The following SPAG4 variants were observed in gnomAD, a reference collection of about 807,000 sequenced individuals.
SPAG4 encodes the protein sperm-associated antigen 4 protein.
Under a neutral mutation model 53.9 loss-of-function variants are expected in SPAG4, and 54 were observed. That is an observed-to-expected ratio of 1.00 (90% CI 0.80 to 1.26). SPAG4 has a LOEUF of 1.26. Ranked by LOEUF, SPAG4 falls within the 50% of genes most tolerant of loss-of-function variation. The pLI is 0.00. For synonymous variants in SPAG4, 246 were observed against 237.4 expected, an observed-to-expected ratio of 1.04 and a Z score of -0.33; for missense variants, 548 against 568.6, an observed-to-expected ratio of 0.96 and a Z score of 0.37.
rs751487998 is a variant in SPAG4 at position 35,619,287 on chromosome 20, C to T, written c.886C>T (p.Arg296Trp). 2.5e-6 allele frequency: 4 copies of T among 1,613,870 alleles called. No homozygotes were observed. Among genetic ancestry groups the T allele is most frequent in the Non-Finnish European group, 3.4e-6 (4 of 1,179,780 alleles). Reference protein sequence around the residue: ...WNRFSFWNYARPPTVILEPHV... With the variant: ...WNRFSFWNYAWPPTVILEPHV... The stretch of plus-strand genomic sequence containing the variant: ...TCGCTTCAGCTTCTGGAACTACGCA[C>T]GGCCGCCCACGGTTATCCTGGAGGT... The change falls in exon 9 of 12, where the codon CGG becomes TGG. Residue 296 changes from arginine (R) to tryptophan (W), a missense_variant. Transcript: ENST00000374273.
In SPAG4 at chr20:35,620,687, C is replaced by T. The variant is rs757948720; in HGVS notation, c.1081C>T (p.Leu361Phe). 12 of 1,580,148 alleles carry T rather than the reference C, an allele frequency of 7.6e-6. No homozygotes were observed. In the South Asian group the frequency reaches 1.3e-4, roughly 18 times the overall value. ...SAPRDFAVFG[L>F]QVYDETEVSL... ...CCTTTCATTCTTCACCCACCAGGGCCTCCAGGTTTATGATGAAACTGAAGT... is the reference window on the plus strand; with the variant it reads ...CCTTTCATTCTTCACCCACCAGGGCTTCCAGGTTTATGATGAAACTGAAGT... The change falls in exon 11 of 12, where the codon CTC becomes TTC. Residue 361 changes from leucine (L) to phenylalanine (F), a missense_variant. Physicochemically the swap from Leu to Phe is conservative, Grantham distance 22. Coordinates refer to ENST00000374273, the MANE Select transcript of SPAG4 (RefSeq NM_003116.3).
rs779490178 is a variant in SPAG4, at chr20:35,620,772, A to G, written c.1166A>G (p.Gln389Arg). The G allele has an allele frequency of 1.2e-6, 2 of 1,613,868 alleles. No individual in the cohort carries two copies. Among genetic ancestry groups the G allele is most frequent in the Admixed American group, 1.7e-5 (1 of 60,004 alleles). The change falls in exon 11 of 12, where the codon CAG becomes CGG. Residue 389 changes from glutamine to arginine, a missense_variant and splice_region_variant. Gln to Arg is a conservative substitution (Grantham distance 43). Transcript: ENST00000374273. ...TCGGAGATTCAGACTTTCCACCTGCAGGTGTGTTTGTCTCTAGGGTGAAGG... is the reference window on the plus strand; with the variant it reads ...TCGGAGATTCAGACTTTCCACCTGCGGGTGTGTTTGTCTCTAGGGTGAAGG... ...EKSEIQTFHL[Q>R]NDPPAAFPKV...
chr20:35,616,267 G>A lies in SPAG4; in HGVS notation c.264G>A (p.Gln88=). The A allele has an allele frequency of 6.7e-7, 1 of 1,500,808 alleles. No homozygotes were observed. Among genetic ancestry groups the A allele is most frequent in the African/African-American group, 1.4e-5 (1 of 69,538 alleles). 93.0% of individuals were successfully genotyped at this position (1,500,808 alleles called of 1,614,324 possible). A position where few individuals can be genotyped will look rare whatever the true frequency, so the allele number is the denominator to read the frequency against. Residue 88 remains glutamine, a synonymous_variant, in exon 1 of 12, where the codon CAG becomes CAA. Coordinates refer to ENST00000374273, the MANE Select transcript of SPAG4 (RefSeq NM_003116.3). ...CAGCGCCTCGGAGCCACAACTGGCA[G>A]ACAGCCTGTGGCGCGGCAACCGTGA... ...QKPAPRSHNW[Q]TACGAATVRG... is the part of the protein sequence containing the mutation.
chr20:35,615,986 A>G lies in SPAG4; in HGVS notation c.-18A>G. 12 of 1,608,688 alleles carry G rather than the reference A, an allele frequency of 7.5e-6. No individual in the cohort carries two copies. Among genetic ancestry groups the G allele is most frequent in the Non-Finnish European group, 1.0e-5 (12 of 1,178,966 alleles). On this transcript the variant is annotated 5_prime_UTR_variant, in exon 1 of 12. Transcript: ENST00000374273. ...AGCGGCGGCTTTAGCGTCAGTGACT[A>G]GGCAGCAGGGGGTCAGGATGCGGCG...
Position 35,619,759 on chromosome 20 carries a change from G to T in SPAG4, c.1077+13G>T, listed in dbSNP as rs1185282866. 1 of 1,596,940 alleles carries T rather than the reference G, an allele frequency of 6.3e-7. No individual in the cohort carries two copies. On this transcript the variant is annotated intron_variant, in intron 10 of 11. Transcript: ENST00000374273. Reference sequence around the variant, plus strand: ...TTTCGCGGTCTTTGTGAGTGCGGACGAGGTCAGGAGGTGGGGGATTTTGCC... The same window carrying T: ...TTTCGCGGTCTTTGTGAGTGCGGACTAGGTCAGGAGGTGGGGGATTTTGCC...
intron 8 of SPAG4, 89 bp downstream of exon 8, chr20:35,619,087 G>A (rs913070806): frequency 1.4e-6 from 2 of 1,448,586 alleles, no homozygotes; most frequent in Admixed American, 1.8e-5. Context: ...CTGACCGGCC[G>A]AAGACAGAGC....
In SPAG4 at chr20:35,618,732, C is replaced by A. The variant is rs770943506; in HGVS notation, c.717+12C>A. On this transcript the variant is annotated intron_variant, in intron 7 of 11. Transcript: ENST00000374273. Reference sequence around the variant, plus strand: ...CAGCCAACAGCGAGGTGAGCCCCGGCCCACCTTGGAAACCCCTGATGGATC... The same window carrying A: ...CAGCCAACAGCGAGGTGAGCCCCGGACCACCTTGGAAACCCCTGATGGATC... The A allele has an allele frequency of 2.6e-6, 4 of 1,560,634 alleles. No individual in the cohort carries two copies. The highest frequency in any genetic ancestry group is 2.3e-5 in the South Asian group (2 of 86,802).
chr20:35,615,854 C>T lies in SPAG4; in HGVS notation c.-150C>T. The T allele has an allele frequency of 1.5e-6, 1 of 666,950 alleles. No homozygotes were observed. The highest frequency in any genetic ancestry group is 2.4e-6 in the Non-Finnish European group (1 of 415,212). The allele number at this position is 666,950 out of a possible 1,614,324, so 41.3% of individuals were successfully genotyped here. On this transcript the variant is annotated 5_prime_UTR_variant, in exon 1 of 12. Coordinates refer to ENST00000374273, the MANE Select transcript of SPAG4 (RefSeq NM_003116.3). ...GTGACGTCAGCAGCCGGCCGGGACA[C>T]AGCGGGAGGGCAGGTGCGGCCGCGG...
chr20:35,619,375 G>A, intron 9 of SPAG4, 65 bp downstream of exon 9: 2 of 1,501,514 alleles, frequency 1.3e-6, no homozygotes, highest in Non-Finnish European at 1.9e-6. Context: ...CCAAAACCCC[G>A]CCCTACAGGC....
Position 35,618,170 on chromosome 20 carries a change from G to A in SPAG4, c.582+40G>A, listed in dbSNP as rs779598801. 1.2e-5 allele frequency: 19 copies of A among 1,597,132 alleles called. No homozygotes were observed. The South Asian group carries it at 1.3e-4, about 11-fold the overall frequency. On this transcript the variant is annotated intron_variant, in intron 5 of 11. Transcript: ENST00000374273. ...CTGTCTTGGGGTAGGGGGTTGGCAG[G>A]TTGTGAACCCGGAGATTGTGGGGGT...
At chr20:35,618,768 G>A (rs1287292491) in intron 7 of SPAG4, 48 bp downstream of exon 7, 2 of 1,484,022 alleles carry the variant, frequency 1.3e-6, no homozygotes, top group Non-Finnish European at 1.8e-6. Flanking sequence ...CCTGCTCCCA[G>A]GGTCCTGAGA....
At position 35,616,271 on chromosome 20, in the gene SPAG4, G is replaced by A. The variant is rs939927199; in HGVS notation, c.268G>A (p.Ala90Thr). 11 of 1,493,828 alleles carry A rather than the reference G, an allele frequency of 7.4e-6. No individual in the cohort carries two copies. In the African/African-American group the frequency reaches 1.6e-4, roughly 22 times the overall value. 92.5% of individuals were successfully genotyped at this position (1,493,828 alleles called of 1,614,324 possible). The change falls in exon 1 of 12, where the codon GCC (alanine) becomes ACC (threonine). Residue 90 changes from alanine to threonine, a missense_variant. Physicochemically the swap from Ala to Thr is moderately conservative, Grantham distance 58 (BLOSUM62 0). Coordinates refer to ENST00000374273, the MANE Select transcript of SPAG4 (RefSeq NM_003116.3). ...GCCTCGGAGCCACAACTGGCAGACA[G>A]CCTGTGGCGCGGCAACCGTGAGGGG... is the stretch of plus-strand genomic sequence containing the variant. ...PAPRSHNWQT[A>T]CGAATVRGGA...
chr20:35,618,526 T>A (rs1379647412), intron 6 of SPAG4, 51 bp downstream of exon 6: 1 of 1,611,114 alleles, frequency 6.2e-7, no homozygotes, highest in Non-Finnish European at 8.5e-7. Flanking sequence ...AGTTGCTTCT[T>A]TGAGAACCTT....
intron 10 of SPAG4, 61 bp from the exon 11 acceptor site, chr20:35,620,623 C>CT: frequency 1.0e-5 from 4 of 397,550 alleles, no homozygotes; most frequent in Non-Finnish European, 1.5e-5. Context: ...TTTTCTTCTC[C>CT]CCGCCCCCCC....
intron 8 of SPAG4, 92 bp downstream of exon 8, chr20:35,619,090 G>T: frequency 6.9e-7 from 1 of 1,443,760 alleles, no homozygotes; most frequent in South Asian, 1.2e-5. Flanking sequence ...ACCGGCCGAA[G>T]ACAGAGCCTC....
In SPAG4 at chr20:35,619,723, G is replaced by A. The variant is rs1428595833; in HGVS notation, c.1054G>A (p.Ala352Thr). The change falls in exon 10 of 12, where the codon GCC (alanine) becomes ACC (threonine). Residue 352 changes from alanine (A) to threonine (T), a missense_variant. Physicochemically the swap from Ala to Thr is moderately conservative, Grantham distance 58 (BLOSUM62 0). Transcript: ENST00000374273. ...SVEHTGGANS[A>T]PRDFAVFGLQ... ...GGAGCACACCGGAGGAGCCAACAGC[G>A]CCCCCCGCGATTTCGCGGTCTTTGT... is the stretch of plus-strand genomic sequence containing the variant. 1 of 1,610,566 alleles carries A rather than the reference G, an allele frequency of 6.2e-7. No homozygotes were observed. The highest frequency in any genetic ancestry group is 1.1e-5 in the South Asian group (1 of 90,968).
Position 35,618,978 on chromosome 20 carries a change from A to G in SPAG4, c.773A>G (p.Asp258Gly), listed in dbSNP as rs757120760. Residue 258 changes from aspartate (D) to glycine (G), a missense_variant, in exon 8 of 12, where the codon GAC becomes GGC. By Grantham distance (94) the Asp-to-Gly change is moderately conservative (BLOSUM62 -1). Transcript: ENST00000374273. ...RLNEDFVRKP[D>G]YALSSVGASI... ...AATGAGGATTTTGTGCGGAAGCCCGACTATGCTTTGAGCTCTGTGGGTAAG... is the reference window on the plus strand; with the variant it reads ...AATGAGGATTTTGTGCGGAAGCCCGGCTATGCTTTGAGCTCTGTGGGTAAG... 3.1e-6 allele frequency: 5 copies of G among 1,614,108 alleles called. No homozygotes were observed. Among genetic ancestry groups the G allele is most frequent in the Non-Finnish European group, 4.2e-6 (5 of 1,179,958 alleles).
chr20:35,617,034 C>A, intron 1 of SPAG4, 102 bp from the exon 2 acceptor site: 1 of 756,738 alleles, frequency 1.3e-6, no homozygotes. Context: ...GAGAGACTTC[C>A]CAGCTGTCTG....
chr20:35,616,400 C>A (rs892012084), intron 1 of SPAG4, 93 bp downstream of exon 1: 3 of 1,412,418 alleles, frequency 2.1e-6, no homozygotes, highest in Non-Finnish European at 2.8e-6. Context: ...GATATCTGGG[C>A]ACCTCCTACA....
Sources: allele counts gnomAD v4.1 joint callset, GRCh38; gene constraint gnomAD v4.1.1; transcripts MANE v1.5; gene names NCBI Gene and HGNC (gene_info 2026-07-23, HGNC 2026-07-21).